Variants in GALK2 observed in about 807,000 individuals in gnomAD.
GALK2 encodes the protein galactokinase 2.
A neutral mutation model predicts 52.4 loss-of-function variants in GALK2; 36 were observed. The observed-to-expected ratio is 0.69, with a 90% CI of 0.53 to 0.91. The LOEUF (loss-of-function observed/expected upper bound fraction) is 0.91. Ranked by LOEUF, GALK2 falls within the 40% of genes least tolerant of loss-of-function variation. GALK2 has a pLI of 0.00. For missense variants in GALK2, 579 were observed against 559.1 expected (o/e 1.04, Z -0.36); for synonymous variants, 176 against 199.1 (o/e 0.88, Z 0.98).
chr15:49,337,508 CTTTTTT>C (rs33973907), intron 3 of GALK2, among the ~76,000 whole-genome samples: 85 of 36,082 alleles, frequency 2.4e-3, no homozygotes, highest in African/African-American at 1.0e-2. Flanking sequence ...CATTTACCCA[CTTTTTT>C]TTTTTTTTTT....
intron 3 of GALK2, among the ~76,000 whole-genome samples, chr15:49,234,232 A>G (rs939934126): frequency 6.6e-6 from 1 of 152,066 alleles, no homozygotes; most frequent in African/African-American, 2.4e-5. Flanking sequence ...TTTCATTTTG[A>G]AGTATTTTTT....
intron 5 of GALK2, among the ~76,000 whole-genome samples, chr15:49,244,460 G>A (rs1431187762): frequency 6.6e-6 from 1 of 152,140 alleles, no homozygotes; most frequent in Non-Finnish European, 1.5e-5. Context: ...GATCAGAAAT[G>A]TAAATTAATT....
chr15:49,175,897 G>C (rs1280883448), intron 1 of GALK2, among the ~76,000 whole-genome samples: 1 of 152,098 alleles, frequency 6.6e-6, no homozygotes, highest in Non-Finnish European at 1.5e-5. Context: ...AGTACCCCCT[G>C]CTTGCTCAAT....
chr15:49,168,327 T>A (rs1318251505), upstream of GALK2, among the ~76,000 whole-genome samples: 1 of 152,188 alleles, frequency 6.6e-6, no homozygotes, highest in African/African-American at 2.4e-5. Context: ...TAACCCTGTA[T>A]AAAATGAGTT....
intron 5 of GALK2, among the ~76,000 whole-genome samples, chr15:49,267,237 A>G (rs2092392466): frequency 1.3e-5 from 2 of 152,182 alleles, no homozygotes; most frequent in Admixed American, 1.3e-4. Context: ...GAAATTAAAC[A>G]TCAGGAGTAA....
chr15:49,303,812 G>A (rs764589637), intron 8 of GALK2, among the ~76,000 whole-genome samples: 1 of 152,156 alleles, frequency 6.6e-6, no homozygotes, highest in Non-Finnish European at 1.5e-5. Flanking sequence ...AGCCTTGCTG[G>A]TCTTCTCATT....
intron 7 of GALK2, among the ~76,000 whole-genome samples, chr15:49,285,286 A>G (rs2033217480): frequency 1.3e-5 from 2 of 152,040 alleles, no homozygotes; most frequent in Admixed American, 1.3e-4. Context: ...GGTTTCCAGT[A>G]TACTTCACTT....
intron 5 of GALK2, among the ~76,000 whole-genome samples, chr15:49,273,162 C>T (rs1453769593): frequency 6.6e-6 from 1 of 152,080 alleles, no homozygotes; most frequent in African/African-American, 2.4e-5. Flanking sequence ...GCCCTAAGAA[C>T]TAAAAACAAG....
chr15:49,206,254 TTTA>T (rs924325593), intron 2 of GALK2, among the ~76,000 whole-genome samples: 8 of 151,490 alleles, frequency 5.3e-5, no homozygotes, highest in Non-Finnish European at 8.8e-5. Context: ...TATTTATTTA[TTTA>T]TTATTATTAT....
chr15:49,229,803 G>T (rs1566959333), intron 3 of GALK2, among the ~76,000 whole-genome samples: 1 of 152,094 alleles, frequency 6.6e-6, no homozygotes, highest in African/African-American at 2.4e-5. Context: ...TAGACAATTG[G>T]CTGGGGAGCA....
intron 9 of GALK2, among the ~76,000 whole-genome samples, chr15:49,323,499 T>C (rs2037070756): frequency 2.6e-5 from 4 of 152,200 alleles, no homozygotes; most frequent in Non-Finnish European, 5.9e-5. Context: ...CTTATGGCAC[T>C]TCAAAATTCC....
At chr15:49,221,359 T>C (rs986823649) in intron 3 of GALK2, among the ~76,000 whole-genome samples, 4 of 152,188 alleles carry the variant, frequency 2.6e-5, no homozygotes, top group African/African-American at 7.2e-5. Context: ...ATTTTCTTGG[T>C]ACCTTTGTTG....
intron 3 of GALK2, among the ~76,000 whole-genome samples, chr15:49,364,727 G>C (rs895758228): frequency 6.6e-6 from 1 of 152,042 alleles, no homozygotes; most frequent in Non-Finnish European, 1.5e-5. Flanking sequence ...CTATAAAGCA[G>C]ATAAAATTTG....
At chr15:49,366,732 G>A (rs2045271931) in intron 3 of GALK2, 1 of 967,646 alleles carries the variant, frequency 1.0e-6, no homozygotes, top group East Asian at 2.6e-5. Flanking sequence ...CTCACTAGGT[G>A]GGGTAGGCTG....
chr15:49,342,248 T>G (rs1421451624), intron 3 of GALK2, among the ~76,000 whole-genome samples: 2 of 152,236 alleles, frequency 1.3e-5, no homozygotes, highest in Admixed American at 6.5e-5. Context: ...TAGTTAAGTT[T>G]CCTGGTTGAA....
chr15:49,174,175 A>G (rs1164120115), intron 1 of GALK2, among the ~76,000 whole-genome samples: 2 of 152,154 alleles, frequency 1.3e-5, no homozygotes, highest in Admixed American at 6.5e-5. Context: ...GTACATATAC[A>G]TATGTACATA....
chr15:49,226,987 G>T (rs971837764), intron 3 of GALK2, among the ~76,000 whole-genome samples: 2 of 152,168 alleles, frequency 1.3e-5, no homozygotes, highest in Non-Finnish European at 2.9e-5. Flanking sequence ...TATCTAAGAA[G>T]ATATTTGACA....
chr15:49,206,030 T>G (rs965029433), intron 2 of GALK2, among the ~76,000 whole-genome samples: 1 of 152,144 alleles, frequency 6.6e-6, no homozygotes, highest in Non-Finnish European at 1.5e-5. Context: ...TTGTTGAAGA[T>G]CAGTTGGCTA....
chr15:49,356,231 C>A (rs1160850656), intron 3 of GALK2, among the ~76,000 whole-genome samples: 3 of 151,898 alleles, frequency 2.0e-5, no homozygotes, highest in African/African-American at 7.3e-5. Context: ...ATCAAATTCA[C>A]ACATAACAAT....
Sources: allele counts gnomAD v4.1 joint callset (sites outside exome capture counted in the v4.1 genomes callset), GRCh38; gene constraint gnomAD v4.1.1; transcripts MANE v1.5; gene names NCBI Gene and HGNC (gene_info 2026-07-23, HGNC 2026-07-21).